The following GPR89B variants were observed in gnomAD, a reference collection of about 807,000 sequenced individuals.
The protein encoded by GPR89B is G protein-coupled receptor 89B.
Under a neutral mutation model 52.4 loss-of-function variants are expected in GPR89B, and 25 were observed. That is an observed-to-expected ratio of 0.48 (90% confidence interval 0.35 to 0.67). GPR89B has a LOEUF of 0.67. GPR89B is among the 30% of genes least tolerant of loss of function. GPR89B has a pLI of 0.01. For missense variants in GPR89B, 146 were observed against 450.2 expected (o/e 0.32, Z 6.11); for synonymous variants, 52 against 151.2 (o/e 0.34, Z 4.81).
the GPR89B span, among the ~76,000 whole-genome samples, chr1:148,003,183 A>G: frequency 1.3e-5 from 2 of 152,326 alleles, no homozygotes; most frequent in South Asian, 2.1e-4. Context: ...GTAAACAGAG[A>G]GTGAAAAGAA....
intron 5 of GPR89B, among the ~76,000 whole-genome samples, chr1:147,953,029 A>G (rs1187253768): frequency 0.024 from 3,486 of 148,210 alleles, 74 homozygotes; most frequent in African/African-American, 0.082. Context: ...TGCTTTTACT[A>G]AAAGTACTTT....
At chr1:148,019,162 A>G in the GPR89B span, among the ~76,000 whole-genome samples, 3 of 150,798 alleles carry the variant, frequency 2.0e-5, no homozygotes, top group Admixed American at 2.0e-4. Context: ...TTTTTAGTAG[A>G]GATGGGGTTT....
downstream of GPR89B, among the ~76,000 whole-genome samples, chr1:147,998,468 A>G (rs1233240600): frequency 2.0e-5 from 3 of 151,338 alleles, no homozygotes; most frequent in African/African-American, 7.3e-5. Context: ...AATATGGAAA[A>G]TTATCAGGTG....
intron 5 of GPR89B, among the ~76,000 whole-genome samples, chr1:147,952,482 G>A (rs1299440872): frequency 7.2e-5 from 11 of 151,946 alleles, no homozygotes; most frequent in African/African-American, 2.2e-4. Flanking sequence ...AGGAATGGAG[G>A]CCAGTAGTCA....
At chr1:147,971,244 G>C (rs1183684898) in intron 10 of GPR89B, among the ~76,000 whole-genome samples, 1 of 151,118 alleles carries the variant, frequency 6.6e-6, no homozygotes, top group Non-Finnish European at 1.5e-5. Context: ...CTGCCTCCTG[G>C]GCTCAAGCAA....
chr1:147,931,694 G>C, intron 1 of GPR89B, among the ~76,000 whole-genome samples: 4 of 151,558 alleles, frequency 2.6e-5, no homozygotes, highest in Middle Eastern at 6.8e-3. Context: ...GGTACTGAGC[G>C]TAGTACTCAA....
At chr1:147,956,929 G>A (rs1656161050) in intron 7 of GPR89B, among the ~76,000 whole-genome samples, 1 of 151,662 alleles carries the variant, frequency 6.6e-6, no homozygotes, top group Non-Finnish European at 1.5e-5. Flanking sequence ...GTAGAGACGG[G>A]GTTTCACCAT....
At chr1:148,021,224 C>T in the GPR89B span, among the ~76,000 whole-genome samples, 1 of 150,898 alleles carries the variant, frequency 6.6e-6, no homozygotes, top group African/African-American at 2.4e-5. Context: ...CATTCCCGGC[C>T]GGGCGCGGTG....
At chr1:148,001,042 T>TA in the GPR89B span, among the ~76,000 whole-genome samples, 4 of 81,948 alleles carry the variant, frequency 4.9e-5, no homozygotes, top group African/African-American at 1.9e-4. Context: ...TCCAGGCTTA[T>TA]ATTCTCCATA....
At chr1:147,940,126 G>A (rs781870618) in intron 3 of GPR89B, among the ~76,000 whole-genome samples, 7 of 151,590 alleles carry the variant, frequency 4.6e-5, no homozygotes, top group South Asian at 2.1e-4. Flanking sequence ...AACCTTGGCC[G>A]GGCGCGGTGG....
At chr1:147,994,289 T>C (rs1164336363), downstream of GPR89B, 1 of 1,557,152 alleles carries the variant, frequency 6.4e-7, no homozygotes, top group Admixed American at 1.7e-5. Context: ...CCAAAGCTAT[T>C]ACTTGTTTTC....
rs1571253629 is a variant in GPR89B at position 147,950,027 on chromosome 1, C to T, written c.416-3318C>T. ...GGCGGCTGGCCGGGCGGGGGGCTGA[C>T]CTCCCCACCTCCCTCCCGGACGGGG... On this transcript the variant is annotated intron_variant, in intron 5 of 13. Transcript: ENST00000314163. Among the ~76,000 whole-genome samples the T allele has an allele frequency of 2.1e-5, 3 of 145,204 alleles. No homozygotes were observed. The South Asian group carries it at 6.5e-4, about 32-fold the overall frequency.
chr1:148,021,477 G>A, the GPR89B span, among the ~76,000 whole-genome samples: 1 of 151,854 alleles, frequency 6.6e-6, no homozygotes, highest in African/African-American at 2.4e-5. Flanking sequence ...ACTCCAGCCT[G>A]GGTGACAGAG....
intron 10 of GPR89B, among the ~76,000 whole-genome samples, chr1:147,977,472 G>A: frequency 6.6e-6 from 1 of 151,670 alleles, no homozygotes; most frequent in Non-Finnish European, 1.5e-5. Context: ...GAGTTCTCTG[G>A]ATTTCCTGAA....
chr1:147,985,028 A>G (rs1658563952), intron 10 of GPR89B, among the ~76,000 whole-genome samples: 1 of 152,180 alleles, frequency 6.6e-6, no homozygotes, highest in Non-Finnish European at 1.5e-5. Context: ...TAGTATTATT[A>G]GAGTTTCTGA....
intron 2 of GPR89B, 110 bp from the exon 3 acceptor site, chr1:147,938,604 G>A: frequency 5.1e-6 from 8 of 1,560,630 alleles, no homozygotes; most frequent in Non-Finnish European, 7.0e-6. Context: ...TACTTCCAAT[G>A]ACTTGAGAAT....
the GPR89B span, among the ~76,000 whole-genome samples, chr1:148,022,724 G>GT: frequency 7.2e-6 from 1 of 138,258 alleles, no homozygotes; most frequent in South Asian, 2.6e-4. Context: ...CACTCTTCAG[G>GT]TTTTTTTGAC....
chr1:147,954,858 C>A lies in GPR89B; in HGVS notation c.617+456C>A, dbSNP rs1363514981. On this transcript the variant is annotated intron_variant, in intron 7 of 13. Coordinates refer to ENST00000314163, the MANE Select transcript of GPR89B (RefSeq NM_016334.5). The stretch of plus-strand genomic sequence containing the variant: ...GGCATACAAAGTGGAATAATTAAAT[C>A]AAGCTAATTAACATGTCTGTCACCT... Among the ~76,000 whole-genome samples, 180 of 152,020 alleles carry A rather than the reference C, an allele frequency of 1.2e-3. 2 individuals are homozygous for A. Among genetic ancestry groups the A allele is most frequent in the African/African-American group, 4.2e-3 (175 of 41,396 alleles).
chr1:148,017,064 T>TG, the GPR89B span, among the ~76,000 whole-genome samples: 1 of 151,804 alleles, frequency 6.6e-6, no homozygotes, highest in African/African-American at 2.4e-5. Context: ...TTTTTTTGGA[T>TG]GGAGTCTCAC....
Sources: gnomAD v4.1 joint callset for allele counts (sites outside exome capture counted in the v4.1 genomes callset) on GRCh38, gnomAD v4.1.1 for gene constraint, MANE v1.5 for transcripts, NCBI Gene and HGNC (gene_info 2026-07-23, HGNC 2026-07-21) for gene names.